Variants in FAM131B observed in about 807,000 individuals in gnomAD.
FAM131B encodes the protein family with sequence similarity 131 member B, also known as protein FAM131B.
FAM131B carries 19 observed loss-of-function variants against 42.0 expected under a neutral mutation model. The observed-to-expected ratio is 0.45, with a 90% CI of 0.32 to 0.66. The LOEUF (loss-of-function observed/expected upper bound fraction) is 0.66, where lower values mean the gene tolerates loss of function less well. Ranked by LOEUF, FAM131B falls within the 30% of genes least tolerant of loss-of-function variation. The pLI is 0.05. For synonymous variants in FAM131B, 183 were observed against 177.6 expected (o/e 1.03, Z -0.24); for missense variants, 370 against 468.4 (o/e 0.79, Z 1.94).
In FAM131B at chr7:143,359,131, GC is replaced by G; in HGVS notation, c.269-108del. 8.1e-7 allele frequency: 1 copy of G among 1,237,434 alleles called. No individual in the cohort carries two copies. Among genetic ancestry groups the G allele is most frequent in the South Asian group, 1.4e-5 (1 of 73,118 alleles). 76.7% of individuals were successfully genotyped at this position (1,237,434 alleles called of 1,614,324 possible). ...GCCCCATGAGGCTCCATCCCACTGGGCCAGGCTCCCCTAAGGACTCCATAGA... is the reference window on the plus strand; with the variant it reads ...GCCCCATGAGGCTCCATCCCACTGGGCAGGCTCCCCTAAGGACTCCATAGA... On this transcript the variant is annotated intron_variant, in intron 4 of 6. Coordinates refer to ENST00000443739, the MANE Select transcript of FAM131B (RefSeq NM_001031690.3). The surrounding 1 kb of genome is among the most constrained non-coding windows in gnomAD (Gnocchi z 5.4).
In FAM131B at chr7:143,355,709, C is replaced by G. The variant is rs1024906403; in HGVS notation, c.*841G>C. 6.6e-6 allele frequency: 1 copy of G among 152,656 alleles called. No homozygotes were observed. Among genetic ancestry groups the G allele is most frequent in the African/African-American group, 2.4e-5 (1 of 41,438 alleles). The allele number at this position is 152,656 out of a possible 1,614,324, so 9.5% of individuals were successfully genotyped here. ...CCACACCCTCCTCAGGCTCCCGGAGCAGGGATGGAAGAAAGCTGAAAGGGA... is the reference window on the plus strand; with the variant it reads ...CCACACCCTCCTCAGGCTCCCGGAGGAGGGATGGAAGAAAGCTGAAAGGGA... On this transcript the variant is annotated 3_prime_UTR_variant, in exon 7 of 7. Transcript: ENST00000443739. The surrounding 1 kb of genome is among the most constrained non-coding windows in gnomAD (Gnocchi z 4.1).
chr7:143,366,002 A>G (rs7809445), upstream of FAM131B, among the ~76,000 whole-genome samples: 148,249 of 152,274 alleles, frequency 0.97, 72,274 homozygotes, highest in East Asian at 1. Context: ...TCTTCCTGCC[A>G]CAGGATCCCA....
the FAM131B span, chr7:143,380,673 G>C: frequency 1.0e-6 from 1 of 985,450 alleles, no homozygotes; most frequent in Non-Finnish European, 1.2e-6. The surrounding 1 kb of genome is among the most constrained non-coding windows in gnomAD (Gnocchi z 5.0). Context: ...CCCAGCGTTG[G>C]AAGTTCGTAT....
chr7:143,380,572 C>G, the FAM131B span: 2 of 985,462 alleles, frequency 2.0e-6, no homozygotes, highest in African/African-American at 3.5e-5. The surrounding 1 kb of genome is among the most constrained non-coding windows in gnomAD (Gnocchi z 5.0). Flanking sequence ...CACCTCCATT[C>G]CCGGCCCCGC....
chr7:143,362,969 G>T (rs1383953877), upstream of FAM131B, among the ~76,000 whole-genome samples: 2 of 151,936 alleles, frequency 1.3e-5, no homozygotes, highest in African/African-American at 4.8e-5. This position sits in a 1 kb window ranked among gnomAD's most constrained non-coding sequence, Gnocchi z 7.7. Flanking sequence ...CCGCTCCCGG[G>T]GCTCTCTCCT....
the FAM131B span, chr7:143,382,201 GA>G: frequency 6.6e-7 from 1 of 1,507,064 alleles, no homozygotes; most frequent in Non-Finnish European, 9.2e-7. Flanking sequence ...GAGCTTGGGT[GA>G]GGGGTAGAGG....
chr7:143,366,616 G>C (rs921199504), upstream of FAM131B, among the ~76,000 whole-genome samples: 2 of 150,280 alleles, frequency 1.3e-5, no homozygotes, highest in African/African-American at 4.9e-5. Flanking sequence ...GGAGTGCAGT[G>C]GTGAGATCTC....
In FAM131B at chr7:143,362,103, TGGA is replaced by T; in HGVS notation, c.28+470_28+472del. On this transcript the variant is annotated intron_variant, in intron 1 of 6. Coordinates refer to ENST00000443739, the MANE Select transcript of FAM131B (RefSeq NM_001031690.3). The surrounding 1 kb of genome is among the most constrained non-coding windows in gnomAD (Gnocchi z 7.7). ...GATGGGGCAAAGCACCCGAGCCAGA[TGGA>T]GGCGGCGGCGGGGGGTGGCGTGGGG... 1 of 955,796 alleles carries T rather than the reference TGGA, an allele frequency of 1.0e-6. No homozygotes were observed. Among genetic ancestry groups the T allele is most frequent in the Non-Finnish European group, 1.2e-6 (1 of 803,184 alleles). 59.2% of individuals were successfully genotyped at this position (955,796 alleles called of 1,614,324 possible). A position where few individuals can be genotyped will look rare whatever the true frequency, so the allele number is the denominator to read the frequency against.
the FAM131B span, chr7:143,380,371 C>T: frequency 2.0e-6 from 2 of 985,230 alleles, no homozygotes; most frequent in African/African-American, 1.7e-5. This position sits in a 1 kb window ranked among gnomAD's most constrained non-coding sequence, Gnocchi z 5.0. Flanking sequence ...TGCCCAAGAG[C>T]TCCACCGTCG....
chr7:143,381,025 AG>A, the FAM131B span: 1 of 248,684 alleles, frequency 4.0e-6, no homozygotes, highest in Non-Finnish European at 6.1e-6. Context: ...TCGGGCGGGG[AG>A]GGGGAGGCAG....
upstream of FAM131B, among the ~76,000 whole-genome samples, chr7:143,364,845 T>C (rs1804142817): frequency 1.3e-5 from 2 of 152,202 alleles, no homozygotes; most frequent in Non-Finnish European, 2.9e-5. Context: ...TTTAAATACA[T>C]ACTTGGCGGG....
At position 143,358,891 on chromosome 7, in the gene FAM131B, C is replaced by T. The variant is rs754445674; in HGVS notation, c.402G>A (p.Val134=). 5.0e-6 allele frequency: 8 copies of T among 1,614,166 alleles called. No homozygotes were observed. The highest frequency in any genetic ancestry group is 6.8e-6 in the Non-Finnish European group (8 of 1,180,018). Residue 134 remains valine, a synonymous_variant, in exon 5 of 7, where the codon GTG becomes GTA. Transcript: ENST00000443739. This position sits in a 1 kb window ranked among gnomAD's most constrained non-coding sequence, Gnocchi z 4.7. ...AVQPQHSHES[V]RRDTDAYSDL... Reference sequence around the variant, plus strand: ...CGGAGTAGGCATCCGTATCCCTGCGCACGGACTCATGGCTGTGTTGTGGCT... The same window carrying T: ...CGGAGTAGGCATCCGTATCCCTGCGTACGGACTCATGGCTGTGTTGTGGCT...
In FAM131B at chr7:143,358,493, CCTTT is replaced by C. The variant is rs577293571; in HGVS notation, c.466+330_466+333del. On this transcript the variant is annotated intron_variant, in intron 5 of 6. Transcript: ENST00000443739. The surrounding 1 kb of genome is among the most constrained non-coding windows in gnomAD (Gnocchi z 4.7). ...CAAAGGCTAAAAGAGATCCCCAAGG[CCTTT>C]CTTTCTTTCAAAGACCAAGGTCTCC... Among the ~76,000 whole-genome samples the C allele has an allele frequency of 7.4e-4, 112 of 152,274 alleles. 1 individual carries two copies. The highest frequency in any genetic ancestry group is 2.5e-3 in the African/African-American group (105 of 41,560).
At chr7:143,382,035 G>A in the FAM131B span, 3 of 603,930 alleles carry the variant, frequency 5.0e-6, no homozygotes, top group African/African-American at 1.9e-5. Flanking sequence ...TCCGTTTTCC[G>A]AAGTGTAACG....
the FAM131B span, among the ~76,000 whole-genome samples, chr7:143,372,275 T>A: frequency 6.6e-6 from 1 of 152,224 alleles, no homozygotes; most frequent in Admixed American, 6.5e-5. Flanking sequence ...CAGCCCAGGC[T>A]GGGGTTTTGC....
upstream of FAM131B, chr7:143,364,234 T>A (rs1171876900): frequency 1.3e-5 from 2 of 151,842 alleles, no homozygotes; most frequent in Admixed American, 6.6e-5. Context: ...AAATAGTTTC[T>A]GCTTTCATGG....
the FAM131B span, among the ~76,000 whole-genome samples, chr7:143,371,604 A>G: frequency 7.6e-6 from 1 of 132,354 alleles, no homozygotes; most frequent in Non-Finnish European, 1.6e-5. Context: ...ACACCGCAAG[A>G]CCCTGTCTCA....
At chr7:143,368,239 G>T in the FAM131B span, among the ~76,000 whole-genome samples, 5 of 152,208 alleles carry the variant, frequency 3.3e-5, no homozygotes, top group Admixed American at 3.3e-4. Context: ...GGCCAGGTGG[G>T]TAGTAAAAAA....
the FAM131B span, among the ~76,000 whole-genome samples, chr7:143,378,009 C>G: frequency 6.6e-6 from 1 of 152,230 alleles, no homozygotes; most frequent in Non-Finnish European, 1.5e-5. Flanking sequence ...AGCCACTGTG[C>G]CTGGCCAGGG....
Sources: gnomAD v4.1 joint callset for allele counts (sites outside exome capture counted in the v4.1 genomes callset) on GRCh38, gnomAD v4.1.1 for gene constraint, Gnocchi (gnomAD v3.1) non-coding constraint, MANE v1.5 for transcripts, NCBI Gene and HGNC (gene_info 2026-07-23, HGNC 2026-07-21) for gene names.